Variants in LEPROTL1 observed in about 807,000 individuals in gnomAD.
The protein encoded by LEPROTL1 is leptin receptor overlapping transcript-like 1.
A neutral mutation model predicts 15.4 loss-of-function variants in LEPROTL1; 6 were observed. The ratio of observed to expected loss-of-function variants is 0.39; its 90% confidence interval spans 0.21 to 0.77. LEPROTL1 has a LOEUF of 0.77. LEPROTL1 is among the 30% of genes least tolerant of loss of function. LEPROTL1 has a pLI of 0.41. For missense variants in LEPROTL1, 128 were observed against 158.1 expected, an observed-to-expected ratio of 0.81 and a Z score of 1.02; for synonymous variants, 56 against 52.6, an observed-to-expected ratio of 1.06 and a Z score of -0.28.
chr8:30,122,966 T>C (rs7001116), intron 3 of LEPROTL1, among the ~76,000 whole-genome samples: 137,990 of 152,186 alleles, frequency 0.91, 62,994 homozygotes, highest in East Asian at 1. Flanking sequence ...AATTTGGTCC[T>C]GTCTTAACAG....
At chr8:30,132,062 C>A in intron 3 of LEPROTL1, 1 of 1,551,800 alleles carries the variant, frequency 6.4e-7, no homozygotes, top group Non-Finnish European at 8.7e-7. Context: ...CTGACCTCCA[C>A]AGCCAGCATG....
Position 30,108,101 on chromosome 8 carries a change from A to G in LEPROTL1, c.*2239A>G, listed in dbSNP as rs1802599897. The G allele has an allele frequency of 4.5e-6, 3 of 662,050 alleles. No homozygotes were observed. The highest frequency in any genetic ancestry group is 1.4e-4 in the South Asian group (2 of 14,644). 41.0% of individuals were successfully genotyped at this position (662,050 alleles called of 1,614,324 possible). ...GTGGGTGTTTTTGAAATGAAAATAT[A>G]TGGCACACTTTCATTCTGAAGTGCA... On this transcript the variant is annotated 3_prime_UTR_variant, in exon 4 of 4. Transcript: ENST00000321250.
intron 3 of LEPROTL1, chr8:30,131,944 C>T (rs752847049): frequency 3.2e-6 from 5 of 1,541,700 alleles, no homozygotes; most frequent in Admixed American, 2.0e-5. Context: ...GGAAAGATGT[C>T]AGTTACATTT....
At chr8:30,128,587 C>T (rs1237322023) in intron 3 of LEPROTL1, among the ~76,000 whole-genome samples, 1 of 151,550 alleles carries the variant, frequency 6.6e-6, no homozygotes, top group African/African-American at 2.4e-5. Flanking sequence ...CCTGTCTGTA[C>T]AAAAAATAAA....
At chr8:30,113,360 T>A (rs534235150), downstream of LEPROTL1, among the ~76,000 whole-genome samples, 1 of 152,176 alleles carries the variant, frequency 6.6e-6, no homozygotes, top group East Asian at 1.9e-4. Context: ...AACTAAGAAA[T>A]TTCTGAGAAA....
chr8:30,104,210 G>A (rs971342059), intron 2 of LEPROTL1, 90 bp from the exon 3 acceptor site: 14 of 726,698 alleles, frequency 1.9e-5, no homozygotes, highest in East Asian at 1.8e-4. Context: ...GAAGTCAAGC[G>A]ATTGAATCTT....
At chr8:30,124,858 G>A (rs1802883458) in intron 3 of LEPROTL1, among the ~76,000 whole-genome samples, 1 of 152,204 alleles carries the variant, frequency 6.6e-6, no homozygotes, top group South Asian at 2.1e-4. Context: ...TCCATTAGGA[G>A]TTAACATAAT....
rs146426033 is a variant in LEPROTL1, at chr8:30,131,909, C to T, written c.280-466C>T. 8 of 1,514,588 alleles carry T rather than the reference C, an allele frequency of 5.3e-6. No homozygotes were observed. The African/African-American group carries it at 6.9e-5, about 13-fold the overall frequency. The allele number at this position is 1,514,588 out of a possible 1,614,324, so 93.8% of individuals were successfully genotyped here. ...TCATCTGGCACTTTCTAAAATGTTT[C>T]CTGGGTGTTTAAGGTGAAAGCCAGG... On this transcript the variant is annotated intron_variant, in intron 3 of 4. Transcript: ENST00000442880.
intron 3 of LEPROTL1, among the ~76,000 whole-genome samples, chr8:30,122,166 CAAAA>C (rs796786688): frequency 3.8e-5 from 5 of 130,160 alleles, no homozygotes; most frequent in South Asian, 2.5e-4. Context: ...GACTCCCTCT[CAAAA>C]AAAAAAAAAA....
At chr8:30,105,694 A>G (rs73669622) in intron 3 of LEPROTL1, 52 bp from the exon 4 acceptor site, 2 of 1,459,586 alleles carry the variant, frequency 1.4e-6, no homozygotes, top group African/African-American at 1.5e-5. Flanking sequence ...TTTTTTTTTT[A>G]TTTTCCTTTC....
At chr8:30,104,528 A>C in intron 3 of LEPROTL1, 42 bp downstream of exon 3, 1 of 1,354,382 alleles carries the variant, frequency 7.4e-7, no homozygotes, top group Non-Finnish European at 9.9e-7. Flanking sequence ...TATATTGAAC[A>C]TGTGTTACAT....
intron 3 of LEPROTL1, among the ~76,000 whole-genome samples, chr8:30,119,928 G>C (rs936841882): frequency 1.3e-5 from 2 of 152,124 alleles, no homozygotes; most frequent in Non-Finnish European, 2.9e-5. Context: ...AACTAGCAGA[G>C]CGTGGTGGCG....
downstream of LEPROTL1, among the ~76,000 whole-genome samples, chr8:30,111,865 G>C (rs1335403137): frequency 6.6e-6 from 1 of 152,158 alleles, no homozygotes; most frequent in East Asian, 1.9e-4. Context: ...GCATCCTGAG[G>C]TTTCAGAGGC....
At chr8:30,111,608 AG>A (rs1305643439), downstream of LEPROTL1, among the ~76,000 whole-genome samples, 2 of 152,270 alleles carry the variant, frequency 1.3e-5, no homozygotes, top group Non-Finnish European at 2.9e-5. Flanking sequence ...TACTGGAAAC[AG>A]GAAAATCTTG....
chr8:30,102,553 G>A (rs1400442536), intron 2 of LEPROTL1, among the ~76,000 whole-genome samples: 1 of 151,780 alleles, frequency 6.6e-6, no homozygotes, highest in Non-Finnish European at 1.5e-5. Flanking sequence ...TCGGGAGGCT[G>A]AGGCAGGAGA....
intron 3 of LEPROTL1, chr8:30,117,575 G>C (rs774125582): frequency 3.5e-5 from 49 of 1,395,334 alleles, no homozygotes; most frequent in Non-Finnish European, 4.9e-5. Flanking sequence ...TGTTTAGCCT[G>C]TCTGTGAGGT....
At chr8:30,101,670 CAAAAAAAAA>C (rs11316779) in intron 1 of LEPROTL1, among the ~76,000 whole-genome samples, 1 of 52,696 alleles carries the variant, frequency 1.9e-5, no homozygotes, top group African/African-American at 7.2e-5. Flanking sequence ...CTCCATCTCA[CAAAAAAAAA>C]AAAAAAAAAA....
rs904389002 is a variant in LEPROTL1 at position 30,107,417 on chromosome 8, C to T, written c.*1555C>T. ...CAGTATACTTACATAAAAATTATTT[C>T]GCCATCAGCCAAAACTCAGTAATCA... On this transcript the variant is annotated 3_prime_UTR_variant, in exon 4 of 4. Transcript: ENST00000321250. The T allele has an allele frequency of 2.8e-5, 28 of 985,584 alleles. No individual in the cohort carries two copies. The highest frequency in any genetic ancestry group is 5.2e-4 in the Middle Eastern group (1 of 1,934). The allele number at this position is 985,584 out of a possible 1,614,324, so 61.1% of individuals were successfully genotyped here. A position where few individuals can be genotyped will look rare whatever the true frequency, so the allele number is the denominator to read the frequency against.
At position 30,105,777 on chromosome 8, in the gene LEPROTL1, C is replaced by A; in HGVS notation, c.311C>A (p.Thr104Lys). 6.3e-7 allele frequency: 1 copy of A among 1,588,050 alleles called. No homozygotes were observed. The highest frequency in any genetic ancestry group is 8.6e-7 in the Non-Finnish European group (1 of 1,166,010). ...TGGGGAGCTTGTGCACTTGTTCTCACAGGAAACACAGTCATCTTTGCAACT... is the reference window on the plus strand; with the variant it reads ...TGGGGAGCTTGTGCACTTGTTCTCAAAGGAAACACAGTCATCTTTGCAACT... The part of the protein sequence containing the change: ...IEWGACALVL[T>K]GNTVIFATIL... The change falls in exon 4 of 4, where the codon ACA (threonine) becomes AAA (lysine). Residue 104 changes from threonine (T) to lysine (K), a missense_variant. Thr to Lys is a moderately conservative substitution (Grantham distance 78). Transcript: ENST00000321250.
Sources: gnomAD v4.1 joint callset for allele counts (sites outside exome capture counted in the v4.1 genomes callset) on GRCh38, gnomAD v4.1.1 for gene constraint, MANE v1.5 for transcripts, NCBI Gene and HGNC (gene_info 2026-07-23, HGNC 2026-07-21) for gene names.